Variants in NOL4 observed in about 807,000 individuals in gnomAD.
NOL4 encodes the protein nucleolar protein 4.
A neutral mutation model predicts 75.9 loss-of-function variants in NOL4; 17 were observed. The ratio of observed to expected loss-of-function variants is 0.22; its 90% CI spans 0.15 to 0.34. The LOEUF is 0.34. NOL4 is among the 10% of genes least tolerant of loss of function. NOL4 has a pLI of 1.00. For missense variants in NOL4, 614 were observed against 793.5 expected, an observed-to-expected ratio of 0.77 and a Z score of 2.72; for synonymous variants, 292 against 289.9, an observed-to-expected ratio of 1.01 and a Z score of -0.07.
At chr18:34,012,097 T>A (rs1416320915) in intron 6 of NOL4, among the ~76,000 whole-genome samples, 1 of 151,954 alleles carries the variant, frequency 6.6e-6, no homozygotes, top group African/African-American at 2.4e-5. Flanking sequence ...CTGTCCTTCA[T>A]CTTCCTGCAA....
At chr18:33,985,388 A>C (rs1248802166) in intron 6 of NOL4, among the ~76,000 whole-genome samples, 2 of 152,036 alleles carry the variant, frequency 1.3e-5, no homozygotes, top group African/African-American at 4.8e-5. Context: ...TAAATATCTT[A>C]ATTTCCAGTA....
intron 1 of NOL4, among the ~76,000 whole-genome samples, chr18:34,155,707 C>A (rs1285747775): frequency 2.0e-5 from 3 of 151,990 alleles, no homozygotes; most frequent in Non-Finnish European, 4.4e-5. Flanking sequence ...AGACCATCAT[C>A]ATATACACTA....
chr18:33,892,656 C>CTTA lies in NOL4; in HGVS notation c.1543-9233_1543-9232insTAA, dbSNP rs902742858. ...TCTTCTTCTTCTCCTTCTCCTTCTT[C>CTTA]TTCTTTTTTTCTTTCCTTTGAGATG... On this transcript the variant is annotated intron_variant, in intron 9 of 10. Coordinates refer to ENST00000261592, the MANE Select transcript of NOL4 (RefSeq NM_003787.5). 5.6e-4 allele frequency among the ~76,000 whole-genome samples: 84 copies of CTTA among 150,882 alleles called. 1 individual carries two copies. Among genetic ancestry groups the CTTA allele is most frequent in the African/African-American group, 2.0e-3 (81 of 41,162 alleles).
intron 5 of NOL4, among the ~76,000 whole-genome samples, chr18:34,039,861 T>C (rs976868112): frequency 6.6e-6 from 1 of 152,010 alleles, no homozygotes; most frequent in Non-Finnish European, 1.5e-5. Context: ...TGAGCACCCA[T>C]ACAACCATTC....
At chr18:34,080,124 T>A (rs1377579387) in intron 5 of NOL4, among the ~76,000 whole-genome samples, 1 of 152,196 alleles carries the variant, frequency 6.6e-6, no homozygotes, top group Non-Finnish European at 1.5e-5. Flanking sequence ...GCCTTACATG[T>A]TCTTGTGCCT....
rs1050827054 is a variant in NOL4 at position 33,852,782 on chromosome 18, C to G, written c.*60G>C. The G allele has an allele frequency of 1.5e-5, 22 of 1,441,340 alleles. No homozygotes were observed. Among genetic ancestry groups the G allele is most frequent in the Non-Finnish European group, 2.1e-5 (22 of 1,047,540 alleles). The allele number at this position is 1,441,340 out of a possible 1,614,324, so 89.3% of individuals were successfully genotyped here. A position where few individuals can be genotyped will look rare whatever the true frequency, so the allele number is the denominator to read the frequency against. On this transcript the variant is annotated 3_prime_UTR_variant, in exon 11 of 11. Coordinates refer to ENST00000261592, the MANE Select transcript of NOL4 (RefSeq NM_003787.5). ...ACCAGAAGTATCTCTGTTGGGAAATCAAAATGTCATTAGTGGAAACTGCAA... is the reference window on the plus strand; with the variant it reads ...ACCAGAAGTATCTCTGTTGGGAAATGAAAATGTCATTAGTGGAAACTGCAA...
intron 2 of NOL4, among the ~76,000 whole-genome samples, chr18:34,127,874 A>T (rs2080456523): frequency 6.6e-6 from 1 of 151,944 alleles, no homozygotes; most frequent in African/African-American, 2.4e-5. Context: ...GGAAAAGGTG[A>T]CAACACTTTA....
intron 5 of NOL4, among the ~76,000 whole-genome samples, chr18:34,044,204 G>A (rs2076262426): frequency 6.6e-6 from 1 of 151,920 alleles, no homozygotes; most frequent in South Asian, 2.1e-4. Flanking sequence ...ACTGTTAATT[G>A]TTGATGCTGT....
intron 9 of NOL4, among the ~76,000 whole-genome samples, chr18:33,931,330 C>G (rs942551419): frequency 1.3e-4 from 20 of 152,144 alleles, no homozygotes; most frequent in African/African-American, 4.8e-4. Flanking sequence ...ATAGCAGGTG[C>G]TACTGACATT....
At chr18:34,074,829 C>T (rs1206530430) in intron 5 of NOL4, among the ~76,000 whole-genome samples, 1 of 152,030 alleles carries the variant, frequency 6.6e-6, no homozygotes, top group African/African-American at 2.4e-5. Context: ...TATACTTCCT[C>T]TCATATGTAG....
chr18:34,056,371 G>A (rs1319956605), intron 5 of NOL4, among the ~76,000 whole-genome samples: 1 of 152,122 alleles, frequency 6.6e-6, no homozygotes, highest in African/African-American at 2.4e-5. Context: ...GCTCGTGTAT[G>A]TCTTTACTTC....
At chr18:34,047,802 C>T (rs984134767) in intron 5 of NOL4, among the ~76,000 whole-genome samples, 2 of 151,990 alleles carry the variant, frequency 1.3e-5, no homozygotes, top group African/African-American at 4.8e-5. Context: ...AGACATCCCC[C>T]CAGAACAAAA....
At chr18:34,080,481 A>G (rs925098733) in intron 5 of NOL4, among the ~76,000 whole-genome samples, 1 of 152,280 alleles carries the variant, frequency 6.6e-6, no homozygotes, top group Non-Finnish European at 1.5e-5. Flanking sequence ...TTAATAAGGC[A>G]TATATTACCC....
At chr18:34,154,162 C>G (rs956537337) in intron 1 of NOL4, among the ~76,000 whole-genome samples, 5 of 151,826 alleles carry the variant, frequency 3.3e-5, no homozygotes, top group African/African-American at 1.2e-4. Flanking sequence ...AGGAAACAGC[C>G]AGAAAACAGG....
rs79929515 is a variant in NOL4 at position 33,949,827 on chromosome 18, A to C, written c.1429-6649T>G. ...ATTAATAATGATCTTTTATGACTACATGGGGAATTAATAAGTCTTCTAGTT... is the reference window on the plus strand; with the variant it reads ...ATTAATAATGATCTTTTATGACTACCTGGGGAATTAATAAGTCTTCTAGTT... On this transcript the variant is annotated intron_variant, in intron 8 of 10. Coordinates refer to ENST00000261592, the MANE Select transcript of NOL4 (RefSeq NM_003787.5). 4.0e-3 allele frequency among the ~76,000 whole-genome samples: 603 copies of C among 152,122 alleles called. 6 individuals carry two copies. The highest frequency in any genetic ancestry group is 0.013 in the African/African-American group (553 of 41,540).
At chr18:34,080,569 G>C (rs1318137257) in intron 5 of NOL4, among the ~76,000 whole-genome samples, 1 of 152,100 alleles carries the variant, frequency 6.6e-6, no homozygotes, top group African/African-American at 2.4e-5. Context: ...CACAGAACTG[G>C]GATCTAAACT....
chr18:34,154,789 T>C (rs755193257), intron 1 of NOL4, among the ~76,000 whole-genome samples: 2 of 152,002 alleles, frequency 1.3e-5, no homozygotes, highest in African/African-American at 2.4e-5. Context: ...ACATTCTGAT[T>C]GCTCAACATT....
intron 9 of NOL4, among the ~76,000 whole-genome samples, chr18:33,937,071 G>A (rs1156460071): frequency 6.6e-6 from 1 of 151,942 alleles, no homozygotes; most frequent in Non-Finnish European, 1.5e-5. Flanking sequence ...CTTTTGAATT[G>A]TCAAAGTGAA....
intron 5 of NOL4, among the ~76,000 whole-genome samples, chr18:34,071,248 A>G (rs557921670): frequency 6.6e-6 from 1 of 152,364 alleles, no homozygotes; most frequent in East Asian, 1.9e-4. Flanking sequence ...AAAACAAAAT[A>G]GTGAACAAAG....
Sources: allele counts gnomAD v4.1 joint callset (sites outside exome capture counted in the v4.1 genomes callset), GRCh38; gene constraint gnomAD v4.1.1; transcripts MANE v1.5; gene names NCBI Gene and HGNC (gene_info 2026-07-23, HGNC 2026-07-21).